SGCZ: variants seen among roughly 807,000 people sequenced by gnomAD.
SGCZ encodes sarcoglycan zeta.
SGCZ carries 40 observed loss-of-function variants against 41.3 expected under a neutral mutation model. That is an observed-to-expected ratio of 0.97 (90% CI 0.75 to 1.26). The LOEUF (loss-of-function observed/expected upper bound fraction) is 1.26. Ranked by LOEUF, SGCZ falls within the 50% of genes most tolerant of loss-of-function variation. The pLI, the probability that SGCZ is intolerant of heterozygous loss-of-function variation, is 0.00. For synonymous variants in SGCZ, 206 were observed against 137.5 expected, an observed-to-expected ratio of 1.50 and a Z score of -3.49; for missense variants, 552 against 369.8, an observed-to-expected ratio of 1.49 and a Z score of -4.04.
intron 1 of SGCZ, among the ~76,000 whole-genome samples, chr8:14,759,484 T>G (rs369414693): frequency 6.6e-6 from 1 of 152,296 alleles, no homozygotes; most frequent in Admixed American, 6.5e-5. Context: ...GAAAGACAAC[T>G]TATTCCAGAA....
chr8:14,786,316 C>T (rs1800765932), intron 1 of SGCZ, among the ~76,000 whole-genome samples: 1 of 152,008 alleles, frequency 6.6e-6, no homozygotes, highest in Admixed American at 6.5e-5. Context: ...AAGACAAATA[C>T]ATAAGTTCCC....
At chr8:14,929,705 A>T (rs1799871007) in intron 1 of SGCZ, among the ~76,000 whole-genome samples, 1 of 152,036 alleles carries the variant, frequency 6.6e-6, no homozygotes, top group Non-Finnish European at 1.5e-5. Context: ...CTAGGTATAA[A>T]ATCCACAGCT....
At chr8:14,203,305 G>A (rs1232349420) in intron 4 of SGCZ, among the ~76,000 whole-genome samples, 1 of 152,160 alleles carries the variant, frequency 6.6e-6, no homozygotes, top group African/African-American at 2.4e-5. Flanking sequence ...CTGTTAAGAC[G>A]AGAAGAGTGT....
At chr8:15,192,946 A>C (rs999108232) in intron 1 of SGCZ, among the ~76,000 whole-genome samples, 1 of 152,110 alleles carries the variant, frequency 6.6e-6, no homozygotes, top group African/African-American at 2.4e-5. Flanking sequence ...TTCATACCAA[A>C]TATCATTTTA....
intron 1 of SGCZ, among the ~76,000 whole-genome samples, chr8:14,855,611 G>A (rs960933438): frequency 1.3e-5 from 2 of 152,098 alleles, no homozygotes; most frequent in African/African-American, 2.4e-5. Context: ...ACAGACTGAG[G>A]CCAACTCTAA....
chr8:14,671,566 T>C (rs2117511712), intron 1 of SGCZ, among the ~76,000 whole-genome samples: 1 of 152,288 alleles, frequency 6.6e-6, no homozygotes, highest in Non-Finnish European at 1.5e-5. Flanking sequence ...CTGCAAACTT[T>C]ACTTCAGGGT....
At chr8:15,111,144 G>A (rs1396249607) in intron 1 of SGCZ, among the ~76,000 whole-genome samples, 7 of 152,072 alleles carry the variant, frequency 4.6e-5, no homozygotes, top group African/African-American at 1.7e-4. Flanking sequence ...GGGAACCCAA[G>A]GGGAATTCAC....
At chr8:14,906,725 C>G (rs1799129106) in intron 1 of SGCZ, among the ~76,000 whole-genome samples, 1 of 152,172 alleles carries the variant, frequency 6.6e-6, no homozygotes, top group Non-Finnish European at 1.5e-5. Context: ...GCGTGAGGCA[C>G]ACACAGTTCT....
At chr8:14,166,292 C>G (rs1804207875) in intron 4 of SGCZ, among the ~76,000 whole-genome samples, 1 of 151,976 alleles carries the variant, frequency 6.6e-6, no homozygotes, top group Non-Finnish European at 1.5e-5. Flanking sequence ...ACCTATTGTC[C>G]TTGGTCATAG....
chr8:15,189,706 GC>G (rs1179665606), intron 1 of SGCZ, among the ~76,000 whole-genome samples: 2 of 151,902 alleles, frequency 1.3e-5, no homozygotes, highest in Non-Finnish European at 2.9e-5. Flanking sequence ...GTGCTAGCAT[GC>G]CCAGCTAATT....
In SGCZ at chr8:15,128,002, G is replaced by A. The variant is rs534919497; in HGVS notation, c.39+109583C>T. On this transcript the variant is annotated intron_variant, in intron 1 of 7. Transcript: ENST00000382080. ...AAAGAAATTCCAAAGAATATAGTAC[G>A]GAAATAATAGAGGTTCATGATGTAC... Among the ~76,000 whole-genome samples the A allele has an allele frequency of 4.2e-4, 64 of 152,160 alleles. 1 individual carries two copies. In the South Asian group the frequency reaches 0.011, roughly 25 times the overall value.
intron 1 of SGCZ, among the ~76,000 whole-genome samples, chr8:14,914,313 T>C (rs1041805751): frequency 3.3e-5 from 5 of 152,142 alleles, no homozygotes; most frequent in African/African-American, 4.8e-5. Context: ...ATAAATATTT[T>C]AATTCACATT....
chr8:14,313,556 A>T (rs1458520946), intron 3 of SGCZ, among the ~76,000 whole-genome samples: 1 of 152,152 alleles, frequency 6.6e-6, no homozygotes, highest in African/African-American at 2.4e-5. Flanking sequence ...ACCTAAAATG[A>T]TCTGCCTGAC....
At chr8:15,236,780 G>A (rs528331642) in intron 1 of SGCZ, among the ~76,000 whole-genome samples, 2 of 152,316 alleles carry the variant, frequency 1.3e-5, no homozygotes, top group East Asian at 1.9e-4. Context: ...GGCCAAGCAG[G>A]GGACCCCAGA....
intron 3 of SGCZ, among the ~76,000 whole-genome samples, chr8:14,266,276 T>C (rs889052619): frequency 3.9e-5 from 6 of 152,086 alleles, no homozygotes; most frequent in African/African-American, 1.4e-4. Context: ...AATACAAATA[T>C]AACAGGCATG....
In SGCZ at chr8:14,257,430, T is replaced by C. The variant is rs1434192828; in HGVS notation, c.337-19751A>G. On this transcript the variant is annotated intron_variant, in intron 3 of 7. Coordinates refer to ENST00000382080, the MANE Select transcript of SGCZ (RefSeq NM_139167.4). Reference sequence around the variant, plus strand: ...TTCCTCTTTTACTCTAAAACTGTTTTTGCAGCATTCTTTCTTTTTTTTTAA... The same window carrying C: ...TTCCTCTTTTACTCTAAAACTGTTTCTGCAGCATTCTTTCTTTTTTTTTAA... Among the ~76,000 whole-genome samples, 3 of 152,224 alleles carry C rather than the reference T, an allele frequency of 2.0e-5. No homozygotes were observed. The East Asian group carries it at 5.8e-4, about 29-fold the overall frequency.
chr8:14,887,151 AT>A (rs1804839708), intron 1 of SGCZ, among the ~76,000 whole-genome samples: 1 of 152,180 alleles, frequency 6.6e-6, no homozygotes, highest in Non-Finnish European at 1.5e-5. Flanking sequence ...AGACAGACAA[AT>A]ATACAAGTCT....
rs77065278 is a variant in SGCZ at position 14,973,505 on chromosome 8, T to C, written c.39+264080A>G. ...TTGAATAAAGCCTCCCTTGTCCGTT[T>C]AACTGTGTGCAGTTTTTGCTTTGAC... is the stretch of plus-strand genomic sequence containing the variant. On this transcript the variant is annotated intron_variant, in intron 1 of 7. Transcript: ENST00000382080. Among the ~76,000 whole-genome samples the C allele has an allele frequency of 9.0e-3, 1,376 of 152,294 alleles. 25 individuals are homozygous for C. Among genetic ancestry groups the C allele is most frequent in the African/African-American group, 0.031 (1,294 of 41,546 alleles).
chr8:14,268,504 A>G (rs1799952613), intron 3 of SGCZ, among the ~76,000 whole-genome samples: 2 of 151,846 alleles, frequency 1.3e-5, no homozygotes, highest in African/African-American at 4.8e-5. Flanking sequence ...GAAGTTAATT[A>G]CTCATTGACA....
Sources: gnomAD v4.1 joint callset for allele counts (sites outside exome capture counted in the v4.1 genomes callset) on GRCh38, gnomAD v4.1.1 for gene constraint, MANE v1.5 for transcripts, NCBI Gene and HGNC (gene_info 2026-07-23, HGNC 2026-07-21) for gene names.